MOGAT1: variants seen among roughly 807,000 people sequenced by gnomAD.
The protein encoded by MOGAT1 is 2-acylglycerol O-acyltransferase 1.
In MOGAT1, 32 loss-of-function variants were observed where a neutral mutation model predicts 31.4. The ratio of observed to expected loss-of-function variants is 1.02; its 90% CI spans 0.77 to 1.37. MOGAT1 has a LOEUF of 1.37. Ranked by LOEUF, MOGAT1 falls within the 40% of genes most tolerant of loss-of-function variation. The pLI, the probability that MOGAT1 is intolerant of heterozygous loss-of-function variation, is 0.00. For synonymous variants in MOGAT1, 145 were observed against 144.5 expected (o/e 1.00, Z -0.03); for missense variants, 426 against 402.0 (o/e 1.06, Z -0.51).
At chr2:222,676,345 A>G (rs907014492) in intron 1 of MOGAT1, among the ~76,000 whole-genome samples, 1 of 152,066 alleles carries the variant, frequency 6.6e-6, no homozygotes, top group Non-Finnish European at 1.5e-5. Context: ...GTTTTGTATA[A>G]ATGGAATCAC....
chr2:222,692,930 A>G (rs1692783687), intron 3 of MOGAT1, among the ~76,000 whole-genome samples: 2 of 152,086 alleles, frequency 1.3e-5, no homozygotes, highest in South Asian at 4.1e-4. Flanking sequence ...GCATGTCTTG[A>G]CCTCAGTGAA....
intron 1 of MOGAT1, among the ~76,000 whole-genome samples, chr2:222,681,327 C>T (rs145266409): frequency 2.9e-4 from 44 of 152,294 alleles, no homozygotes; most frequent in African/African-American, 6.7e-4. Flanking sequence ...AGGATTCACA[C>T]GACCTCCTCC....
At chr2:222,700,438 G>A (rs187953079) in intron 5 of MOGAT1, among the ~76,000 whole-genome samples, 2 of 152,206 alleles carry the variant, frequency 1.3e-5, no homozygotes, top group African/African-American at 2.4e-5. Flanking sequence ...CAGAAAGGGG[G>A]AAATTGCTTC....
At chr2:222,701,366 AGAGG>A (rs1008425262) in intron 5 of MOGAT1, among the ~76,000 whole-genome samples, 2 of 149,516 alleles carry the variant, frequency 1.3e-5, no homozygotes, top group African/African-American at 4.9e-5. Flanking sequence ...GGAAAGGAAA[AGAGG>A]AAGGAAGGAA....
intron 5 of MOGAT1, among the ~76,000 whole-genome samples, chr2:222,701,382 G>GAGAA (rs1182103729): frequency 2.4e-4 from 33 of 140,374 alleles, no homozygotes; most frequent in South Asian, 2.0e-3. Context: ...AGGAAGGAAA[G>GAGAA]AGAAAGAAAG....
intron 5 of MOGAT1, among the ~76,000 whole-genome samples, chr2:222,708,642 A>G (rs183679285): frequency 6.6e-5 from 10 of 152,300 alleles, no homozygotes; most frequent in African/African-American, 9.6e-5. Context: ...CCCCATCCCT[A>G]CGTCCTTACC....
At chr2:222,685,961 C>T (rs62186265) in intron 1 of MOGAT1, among the ~76,000 whole-genome samples, 8,446 of 152,144 alleles carry the variant, frequency 0.056, 330 homozygotes, top group Middle Eastern at 0.11. Flanking sequence ...AGCATGTATT[C>T]AGGTAGCCGG....
chr2:222,700,300 T>C (rs1208767494), intron 5 of MOGAT1, among the ~76,000 whole-genome samples: 1 of 152,246 alleles, frequency 6.6e-6, no homozygotes, highest in Non-Finnish European at 1.5e-5. Flanking sequence ...ATACCTCTAC[T>C]GACAAATAAT....
intron 1 of MOGAT1, among the ~76,000 whole-genome samples, chr2:222,675,486 T>C (rs1183125894): frequency 1.3e-5 from 2 of 149,944 alleles, no homozygotes; most frequent in Non-Finnish European, 3.0e-5. Flanking sequence ...TTTTTCTTTT[T>C]TTTTTTTTTT....
At chr2:222,693,330 C>A (rs565220460) in intron 3 of MOGAT1, among the ~76,000 whole-genome samples, 9 of 152,054 alleles carry the variant, frequency 5.9e-5, no homozygotes, top group African/African-American at 2.2e-4. Context: ...ATGGGAAAGC[C>A]TGAAATACAG....
At chr2:222,698,318 G>A (rs114334136) in intron 5 of MOGAT1, among the ~76,000 whole-genome samples, 1 of 152,316 alleles carries the variant, frequency 6.6e-6, no homozygotes, top group Non-Finnish European at 1.5e-5. Context: ...AAACAGGGAG[G>A]TGACATTAGA....
intron 1 of MOGAT1, among the ~76,000 whole-genome samples, chr2:222,684,989 T>C (rs1401360877): frequency 5.9e-5 from 9 of 152,154 alleles, no homozygotes; most frequent in Admixed American, 5.9e-4. Context: ...ATGAAGAGAA[T>C]GGTTGAATTA....
At chr2:222,683,959 C>T (rs1475476183) in intron 1 of MOGAT1, among the ~76,000 whole-genome samples, 9 of 152,146 alleles carry the variant, frequency 5.9e-5, no homozygotes, top group Non-Finnish European at 1.2e-4. Flanking sequence ...AATGTAACAG[C>T]GTAGACCTTT....
intron 1 of MOGAT1, among the ~76,000 whole-genome samples, chr2:222,675,908 A>T (rs1270625433): frequency 6.6e-6 from 1 of 152,186 alleles, no homozygotes; most frequent in African/African-American, 2.4e-5. Flanking sequence ...AGTTTCAAGT[A>T]AGGAGTTGAT....
At chr2:222,694,570 A>G in intron 4 of MOGAT1, 34 bp downstream of exon 4, 1 of 1,597,350 alleles carries the variant, frequency 6.3e-7, no homozygotes, top group Non-Finnish European at 8.5e-7. Context: ...AGGGGGTCAG[A>G]AAAGTTAAGA....
chr2:222,679,218 A>G (rs1053594340), intron 1 of MOGAT1, among the ~76,000 whole-genome samples: 1 of 152,134 alleles, frequency 6.6e-6, no homozygotes, highest in African/African-American at 2.4e-5. Context: ...GTTTATTTCT[A>G]GACTCTCTAG....
intron 5 of MOGAT1, among the ~76,000 whole-genome samples, chr2:222,705,361 C>A (rs145692582): frequency 1.3e-5 from 2 of 152,306 alleles, no homozygotes; most frequent in African/African-American, 4.8e-5. Flanking sequence ...AGGTCTCAGC[C>A]TTATTTTACC....
intron 5 of MOGAT1, among the ~76,000 whole-genome samples, chr2:222,701,460 G>A (rs980372370): frequency 7.2e-6 from 1 of 139,066 alleles, no homozygotes; most frequent in African/African-American, 2.7e-5. Context: ...AGGAAGGAAG[G>A]AAAAAGAAAG....
chr2:222,701,295 A>AGG (rs1340706906), intron 5 of MOGAT1, among the ~76,000 whole-genome samples: 1 of 102,708 alleles, frequency 9.7e-6, no homozygotes, highest in Non-Finnish European at 2.0e-5. Flanking sequence ...AGAGAGGAGG[A>AGG]GGAGGAGAGA....
Sources: allele counts gnomAD v4.1 joint callset (sites outside exome capture counted in the v4.1 genomes callset), GRCh38; gene constraint gnomAD v4.1.1; transcripts MANE v1.5; gene names NCBI Gene and HGNC (gene_info 2026-07-23, HGNC 2026-07-21).